The following CAPS2 variants were observed in gnomAD, a reference collection of about 807,000 sequenced individuals.
CAPS2 encodes the protein calcyphosin-2.
A neutral mutation model predicts 86.5 loss-of-function variants in CAPS2; 98 were observed. The observed-to-expected ratio is 1.13, with a 90% CI of 0.96 to 1.34. The LOEUF (loss-of-function observed/expected upper bound fraction) is 1.34. CAPS2 is among the 40% of genes most tolerant of loss of function. The pLI is 0.00. For synonymous variants in CAPS2, 210 were observed against 225.1 expected (o/e 0.93, Z 0.60); for missense variants, 729 against 686.8 (o/e 1.06, Z -0.69).
intron 1 of CAPS2, among the ~76,000 whole-genome samples, chr12:75,345,437 A>G (rs889468826): frequency 6.6e-6 from 1 of 152,084 alleles, no homozygotes; most frequent in Non-Finnish European, 1.5e-5. Context: ...CTGAGCCCCT[A>G]GGAAAGCCTG....
upstream of CAPS2, among the ~76,000 whole-genome samples, chr12:75,329,064 C>T (rs1323253724): frequency 6.6e-6 from 1 of 152,188 alleles, no homozygotes; most frequent in Non-Finnish European, 1.5e-5. Flanking sequence ...GAAAAGTGAA[C>T]TGTACTTCGC....
intron 8 of CAPS2, among the ~76,000 whole-genome samples, chr12:75,301,033 C>T (rs982205542): frequency 5.3e-5 from 8 of 152,174 alleles, no homozygotes; most frequent in South Asian, 2.1e-4. Flanking sequence ...TTATGGCCTT[C>T]AGACAGTACT....
intron 14 of CAPS2, 134 bp downstream of exon 14, chr12:75,289,487 C>G: frequency 1.4e-6 from 1 of 725,958 alleles, no homozygotes; most frequent in South Asian, 2.2e-5. Flanking sequence ...GGGCTTGTAA[C>G]CTGATAGCTT....
chr12:75,297,456 T>C (rs139069334), intron 11 of CAPS2, among the ~76,000 whole-genome samples: 347 of 152,356 alleles, frequency 2.3e-3, no homozygotes, highest in East Asian at 6.0e-3. Context: ...ATTAGCTTCA[T>C]AGCCAGAGTC....
intron 14 of CAPS2, 98 bp downstream of exon 14, chr12:75,289,523 G>A: frequency 9.2e-7 from 1 of 1,090,840 alleles, no homozygotes; most frequent in Non-Finnish European, 1.3e-6. Context: ...CATAGAGAAG[G>A]AGAAAATAAA....
intron 1 of CAPS2, among the ~76,000 whole-genome samples, chr12:75,374,104 C>T (rs1402120596): frequency 6.6e-6 from 1 of 152,200 alleles, no homozygotes; most frequent in African/African-American, 2.4e-5. Flanking sequence ...GGGGTCTCTA[C>T]TGTGATTCAC....
intron 7 of CAPS2, among the ~76,000 whole-genome samples, chr12:75,307,892 A>G (rs1331046293): frequency 6.6e-6 from 1 of 152,200 alleles, no homozygotes; most frequent in Non-Finnish European, 1.5e-5. Context: ...GCAGAAGAAT[A>G]GGGTCTGGAG....
At chr12:75,311,211 G>A (rs2039125800) in intron 7 of CAPS2, among the ~76,000 whole-genome samples, 1 of 152,140 alleles carries the variant, frequency 6.6e-6, no homozygotes, top group Non-Finnish European at 1.5e-5. Context: ...AAACAATGAG[G>A]CCAGTTAAGC....
chr12:75,276,283 T>C, downstream of CAPS2: 6 of 1,531,254 alleles, frequency 3.9e-6, no homozygotes, highest in Non-Finnish European at 4.4e-6. Flanking sequence ...GTACATGTTT[T>C]ATATTTGCAA....
intron 1 of CAPS2, chr12:75,343,699 GA>G: frequency 6.2e-7 from 1 of 1,601,600 alleles, no homozygotes; most frequent in African/African-American, 1.3e-5. Flanking sequence ...TCAGATTTGG[GA>G]TAAAGGTTTA....
rs56713198 is a variant in CAPS2 at position 75,343,815 on chromosome 12, T to C, written c.-394-20593A>G. On this transcript the variant is annotated intron_variant, in intron 1 of 5. Transcript: ENST00000551829. ...CAGCTTTTGAATATGTTGGAGAAAATATCTGGTTAGGTGGAATAAAGTCAT... is the reference window on the plus strand; with the variant it reads ...CAGCTTTTGAATATGTTGGAGAAAACATCTGGTTAGGTGGAATAAAGTCAT... 9.8e-3 allele frequency: 15,861 copies of C among 1,613,482 alleles called. 1,391 individuals are homozygous for C. The East Asian group carries it at 0.24, about 25-fold the overall frequency.
At chr12:75,374,216 C>T (rs1317142837) in intron 1 of CAPS2, among the ~76,000 whole-genome samples, 2 of 152,198 alleles carry the variant, frequency 1.3e-5, no homozygotes, top group Non-Finnish European at 2.9e-5. Context: ...GGCAGAGAAG[C>T]TTGCACAGCA....
chr12:75,381,611 A>ATT, intron 1 of CAPS2, among the ~76,000 whole-genome samples: 2 of 113,962 alleles, frequency 1.8e-5, no homozygotes, highest in East Asian at 2.7e-4. Flanking sequence ...CATTTTCTTA[A>ATT]GTGTTTTTTT....
chr12:75,276,516 T>C (rs1052122666), downstream of CAPS2: 6 of 975,296 alleles, frequency 6.2e-6, no homozygotes, highest in Non-Finnish European at 7.3e-6. Flanking sequence ...CATATATTTA[T>C]ATACTATAAA....
rs1042705380 is a variant in CAPS2, at chr12:75,372,997, A to C, written c.-395+17841T>G. Among the ~76,000 whole-genome samples the C allele has an allele frequency of 3.3e-5, 5 of 152,338 alleles. 1 individual carries two copies. The South Asian group carries it at 1.0e-3, about 32-fold the overall frequency. ...GTACATGTCTATTCCAATGAGGATA[A>C]ATCACTGCCCTTTCCATGACGGAGG... is the stretch of plus-strand genomic sequence containing the variant. On this transcript the variant is annotated intron_variant, in intron 1 of 5. Transcript: ENST00000551829.
chr12:75,318,274 C>A (rs1350478778), intron 5 of CAPS2: 1 of 152,184 alleles, frequency 6.6e-6, no homozygotes, highest in African/African-American at 2.4e-5. Flanking sequence ...AAGCTACCAT[C>A]ACCTAGGTCC....
At chr12:75,282,956 G>A (rs1196994660) in intron 15 of CAPS2, among the ~76,000 whole-genome samples, 1 of 152,068 alleles carries the variant, frequency 6.6e-6, no homozygotes, top group Non-Finnish European at 1.5e-5. Flanking sequence ...GAAAACTGAA[G>A]AGATGGGTAA....
At chr12:75,309,816 T>TA (rs1388267569) in intron 7 of CAPS2, among the ~76,000 whole-genome samples, 6 of 152,360 alleles carry the variant, frequency 3.9e-5, no homozygotes, top group East Asian at 1.9e-4. Context: ...CTGGCATTTA[T>TA]AAAAAAGTGG....
At position 75,361,848 on chromosome 12, in the gene CAPS2, C is replaced by T. The variant is rs150538320; in HGVS notation, c.-395+28990G>A. ...TTCCTCCCTCAACACATGGGAATTA[C>T]AATTCAAGATGAGATTTGGGTGGGG... On this transcript the variant is annotated intron_variant, in intron 1 of 5. Coordinates refer to the CAPS2 transcript ENST00000551829. Among the ~76,000 whole-genome samples the T allele has an allele frequency of 1.1e-4, 16 of 152,194 alleles. No homozygotes were observed. The East Asian group carries it at 2.3e-3, about 22-fold the overall frequency.
Sources: gnomAD v4.1 joint callset for allele counts (sites outside exome capture counted in the v4.1 genomes callset) on GRCh38, gnomAD v4.1.1 for gene constraint, MANE v1.5 for transcripts, NCBI Gene and HGNC (gene_info 2026-07-23, HGNC 2026-07-21) for gene names.